The following PLEKHG3 variants were observed in gnomAD, a reference collection of about 807,000 sequenced individuals.
PLEKHG3 encodes pleckstrin homology domain-containing family G member 3.
A neutral mutation model predicts 94.9 loss-of-function variants in PLEKHG3; 62 were observed. That is an observed-to-expected ratio of 0.65 (90% CI 0.53 to 0.81). The LOEUF (loss-of-function observed/expected upper bound fraction) is 0.81. PLEKHG3 is among the 30% of genes least tolerant of loss of function. PLEKHG3 has a pLI of 0.00. For synonymous variants in PLEKHG3, 614 were observed against 654.0 expected, an observed-to-expected ratio of 0.94 and a Z score of 0.93; for missense variants, 1,461 against 1,619.3, an observed-to-expected ratio of 0.90 and a Z score of 1.68.
In PLEKHG3 at chr14:64,727,516, A is replaced by T; in HGVS notation, c.-39-77A>T. ...ATACCTTCCCACCCCACCTGCCCCC[A>T]CCCCTGGCAACCGTCCCTCTGTTCT... is the stretch of plus-strand genomic sequence containing the variant. On this transcript the variant is annotated intron_variant, in intron 1 of 16. Coordinates refer to ENST00000247226, the MANE Select transcript of PLEKHG3 (RefSeq NM_001308147.2). The surrounding 1 kb of genome is among the most constrained non-coding windows in gnomAD (Gnocchi z 6.0). 4.6e-6 allele frequency: 1 copy of T among 217,630 alleles called. No homozygotes were observed. The highest frequency in any genetic ancestry group is 8.8e-6 in the Non-Finnish European group (1 of 113,436). 13.5% of individuals were successfully genotyped at this position (217,630 alleles called of 1,614,324 possible). A position where few individuals can be genotyped will look rare whatever the true frequency, so the allele number is the denominator to read the frequency against.
At chr14:64,724,777 A>G (rs116823804) in intron 1 of PLEKHG3, among the ~76,000 whole-genome samples, 1 of 152,150 alleles carries the variant, frequency 6.6e-6, no homozygotes, top group Non-Finnish European at 1.5e-5. Context: ...TGTGTAGTCC[A>G]TTAGGGAGGC....
chr14:64,724,815 GC>G (rs1409860451), intron 1 of PLEKHG3, among the ~76,000 whole-genome samples: 1 of 152,204 alleles, frequency 6.6e-6, no homozygotes, highest in Non-Finnish European at 1.5e-5. Context: ...GAACTCTGGA[GC>G]CTCAGTGCCT....
chr14:64,742,441 C>G lies in PLEKHG3; in HGVS notation c.2924C>G (p.Pro975Arg), dbSNP rs747511854. The change falls in exon 16 of 17, where the codon CCA becomes CGA. Residue 975 changes from proline to arginine, a missense_variant. By Grantham distance (103) the Pro-to-Arg change is moderately radical. Around this residue, in one of 3 missense-constraint regions of PLEKHG3, gnomAD observed 1,201 missense variants for 1,295.5 expected, o/e 0.93. Transcript: ENST00000247226. ...TGTCTACAGGAAGAGGCTGGAGAGC[C>G]ATTAGGTGGCAAAGGTATGACAGAA... ...VPCLQEEAGE[P>R]LGGKGKRKPV... 3.0e-5 allele frequency: 48 copies of G among 1,606,652 alleles called. No homozygotes were observed. Among genetic ancestry groups the G allele is most frequent in the South Asian group, 1.9e-4 (17 of 90,836 alleles).
chr14:64,737,199 G>A lies in PLEKHG3; in HGVS notation c.1385-157G>A, dbSNP rs2081588308. 7.4e-6 allele frequency: 5 copies of A among 679,572 alleles called. No homozygotes were observed. The South Asian group carries it at 8.5e-5, about 11-fold the overall frequency. 42.1% of individuals were successfully genotyped at this position (679,572 alleles called of 1,614,324 possible). On this transcript the variant is annotated intron_variant, in intron 13 of 16. Coordinates refer to ENST00000247226, the MANE Select transcript of PLEKHG3 (RefSeq NM_001308147.2). ...TGCTCTGTCAGTCATTCTTTTGAAA[G>A]CCCAGGAGACTAGGTGAGGGTTCTG...
At chr14:64,708,915 A>G (rs1304782156) in intron 1 of PLEKHG3, among the ~76,000 whole-genome samples, 3 of 147,314 alleles carry the variant, frequency 2.0e-5, no homozygotes, top group East Asian at 2.1e-4. Context: ...GGAGACGGGT[A>G]AAAGCTAGAT....
intron 12 of PLEKHG3, among the ~76,000 whole-genome samples, chr14:64,733,148 CTTTTCTTTTCTTTTT>C (rs1438712761): frequency 1.3e-5 from 2 of 148,872 alleles, no homozygotes; most frequent in Non-Finnish European, 3.0e-5. Context: ...TTTTTCTTTT[CTTTTCTTTTCTTTTT>C]CTTTTTTTTT....
intron 12 of PLEKHG3, among the ~76,000 whole-genome samples, chr14:64,733,565 C>T (rs894598359): frequency 6.6e-6 from 1 of 152,222 alleles, no homozygotes; most frequent in Admixed American, 6.5e-5. Flanking sequence ...AATACCAACA[C>T]CAAGTCATTC....
chr14:64,740,468 C>T (rs1383665982), intron 15 of PLEKHG3, among the ~76,000 whole-genome samples: 1 of 152,234 alleles, frequency 6.6e-6, no homozygotes, highest in Non-Finnish European at 1.5e-5. Context: ...ATTCCTGGTC[C>T]TCATCCTCTG....
Position 64,732,518 on chromosome 14 carries a change from C to G in PLEKHG3, c.1246+58C>G. The G allele has an allele frequency of 6.8e-7, 1 of 1,480,090 alleles. No individual in the cohort carries two copies. Among genetic ancestry groups the G allele is most frequent in the South Asian group, 1.1e-5 (1 of 88,416 alleles). The allele number at this position is 1,480,090 out of a possible 1,614,324, so 91.7% of individuals were successfully genotyped here. On this transcript the variant is annotated intron_variant, in intron 11 of 16. Coordinates refer to ENST00000247226, the MANE Select transcript of PLEKHG3 (RefSeq NM_001308147.2). The surrounding 1 kb of genome is among the most constrained non-coding windows in gnomAD (Gnocchi z 4.9). ...TAATCGTGCACATTGCTAGGTCAGG[C>G]TGCATCCTGGGGAAGCTTTACCTGA...
chr14:64,727,248 A>C lies in PLEKHG3; in HGVS notation c.-39-345A>C, dbSNP rs1278722919. Among the ~76,000 whole-genome samples the C allele has an allele frequency of 2.0e-5, 3 of 152,176 alleles. No homozygotes were observed. The highest frequency in any genetic ancestry group is 1.5e-5 in the Non-Finnish European group (1 of 68,026). On this transcript the variant is annotated intron_variant, in intron 1 of 16. Transcript: ENST00000247226. This position sits in a 1 kb window ranked among gnomAD's most constrained non-coding sequence, Gnocchi z 6.0. ...AGGGTACCTGGACCACTGTGCTGGCAGGTGGACTTGGGCACCCTCATCAGT... is the reference window on the plus strand; with the variant it reads ...AGGGTACCTGGACCACTGTGCTGGCCGGTGGACTTGGGCACCCTCATCAGT...
rs1008737626 is a variant in PLEKHG3, at chr14:64,722,047, ATT to A, written c.-39-5545_-39-5544del. ...TCCTTCTGGCACCCTTTTTGAAGGGATTCCGAAAGTGCCGTCTTGGGGATTGT... is the reference window on the plus strand; with the variant it reads ...TCCTTCTGGCACCCTTTTTGAAGGGACCGAAAGTGCCGTCTTGGGGATTGT... On this transcript the variant is annotated intron_variant, in intron 1 of 16. Coordinates refer to ENST00000247226, the MANE Select transcript of PLEKHG3 (RefSeq NM_001308147.2). The surrounding 1 kb of genome is among the most constrained non-coding windows in gnomAD (Gnocchi z 4.3). Among the ~76,000 whole-genome samples the A allele has an allele frequency of 2.6e-5, 4 of 152,056 alleles. No homozygotes were observed. The highest frequency in any genetic ancestry group is 4.4e-5 in the Non-Finnish European group (3 of 67,994).
At position 64,727,927 on chromosome 14, in the gene PLEKHG3, G is replaced by A. The variant is rs766778074; in HGVS notation, c.296G>A (p.Arg99Gln). Residue 99 changes from arginine to glutamine, a missense_variant, in exon 2 of 17, where the codon CGG becomes CAG. Transcript: ENST00000247226. This position sits in a 1 kb window ranked among gnomAD's most constrained non-coding sequence, Gnocchi z 6.0. ...HKLSYLGRVV[R>Q]EIVETERMYV... ...CTCAGCTACCTGGGCCGAGTGGTGCGGGAGATCGTGGAGACAGAGCGCATG... is the reference window on the plus strand; with the variant it reads ...CTCAGCTACCTGGGCCGAGTGGTGCAGGAGATCGTGGAGACAGAGCGCATG... 16 of 1,608,740 alleles carry A rather than the reference G, an allele frequency of 9.9e-6. No individual in the cohort carries two copies. In the South Asian group the frequency reaches 1.1e-4, roughly 11 times the overall value.
In PLEKHG3 at chr14:64,749,224, G is replaced by T; in HGVS notation, c.*5521G>T. The T allele has an allele frequency of 6.7e-7, 1 of 1,488,162 alleles. No individual in the cohort carries two copies. The allele number at this position is 1,488,162 out of a possible 1,614,324, so 92.2% of individuals were successfully genotyped here. A position where few individuals can be genotyped will look rare whatever the true frequency, so the allele number is the denominator to read the frequency against. On this transcript the variant is annotated 3_prime_UTR_variant, in exon 17 of 17. Coordinates refer to ENST00000247226, the MANE Select transcript of PLEKHG3 (RefSeq NM_001308147.2). The surrounding 1 kb of genome is among the most constrained non-coding windows in gnomAD (Gnocchi z 4.7). ...CTCGACTCATCTCGATTCGACCGGCGGGCGGCGGCGAGAGGAGGCCAAGGC... is the reference window on the plus strand; with the variant it reads ...CTCGACTCATCTCGATTCGACCGGCTGGCGGCGGCGAGAGGAGGCCAAGGC...
In PLEKHG3 at chr14:64,732,481, C is replaced by G. The variant is rs929607457; in HGVS notation, c.1246+21C>G. ...CTATTGTAAGTGTACCCTTTTCTGC[C>G]TGTTTTGTCCCTAATCGTGCACATT... On this transcript the variant is annotated intron_variant, in intron 11 of 16. Transcript: ENST00000247226. This position sits in a 1 kb window ranked among gnomAD's most constrained non-coding sequence, Gnocchi z 4.9. 2.0e-5 allele frequency: 32 copies of G among 1,607,412 alleles called. 1 individual carries two copies. Among genetic ancestry groups the G allele is most frequent in the Non-Finnish European group, 2.6e-5 (31 of 1,174,052 alleles).
intron 14 of PLEKHG3, among the ~76,000 whole-genome samples, chr14:64,737,670 G>C (rs758619075): frequency 9.2e-5 from 14 of 152,236 alleles, no homozygotes; most frequent in Admixed American, 4.6e-4. Context: ...GCCTGTTTGG[G>C]TTCTGAAGTT....
Position 64,738,755 on chromosome 14 carries a change from G to A in PLEKHG3, c.1418G>A (p.Arg473Lys). The A allele has an allele frequency of 1.9e-6, 3 of 1,588,230 alleles. No homozygotes were observed. Among genetic ancestry groups the A allele is most frequent in the African/African-American group, 1.3e-5 (1 of 74,470 alleles). The change falls in exon 15 of 17, where the codon AGG (arginine) becomes AAG (lysine). Residue 473 changes from arginine to lysine, a missense_variant. Coordinates refer to ENST00000247226, the MANE Select transcript of PLEKHG3 (RefSeq NM_001308147.2). The surrounding 1 kb of genome is among the most constrained non-coding windows in gnomAD (Gnocchi z 4.8). The part of the protein sequence containing the change: ...RAAGMKGKGR[R>K]ESESSRSSRR... The stretch of plus-strand genomic sequence containing the variant: ...CTACCTCTGCAGGGAAAGGGGCGCA[G>A]GGAGTCTGAAAGCTCCAGGAGCAGC...
chr14:64,731,993 C>G lies in PLEKHG3; in HGVS notation c.1126-102C>G, dbSNP rs2081476281. ...CAGGTTAACCTCACAGAGGCCCCAG[C>G]ATGGCCCCACTTTTTCTCCCTGGGT... On this transcript the variant is annotated intron_variant, in intron 9 of 16. Coordinates refer to ENST00000247226, the MANE Select transcript of PLEKHG3 (RefSeq NM_001308147.2). The surrounding 1 kb of genome is among the most constrained non-coding windows in gnomAD (Gnocchi z 6.1). 45 of 943,172 alleles carry G rather than the reference C, an allele frequency of 4.8e-5. 2 individuals are homozygous for G. The South Asian group carries it at 6.1e-4, about 13-fold the overall frequency. 58.4% of individuals were successfully genotyped at this position (943,172 alleles called of 1,614,324 possible). A position where few individuals can be genotyped will look rare whatever the true frequency, so the allele number is the denominator to read the frequency against.
In PLEKHG3 at chr14:64,704,432, GCTCCC is replaced by G. The variant is rs2080940841; in HGVS notation, c.-311_-307del. On this transcript the variant is annotated 5_prime_UTR_variant, in exon 1 of 17. Coordinates refer to ENST00000247226, the MANE Select transcript of PLEKHG3 (RefSeq NM_001308147.2). This position sits in a 1 kb window ranked among gnomAD's most constrained non-coding sequence, Gnocchi z 5.6. ...CGCTCCCTCGCTCCCTCGCTCCCTC[GCTCCC>G]TCGCTCCCTCCTGCCCTCCCGCTGC... 1 of 142,722 alleles carries G rather than the reference GCTCCC, an allele frequency of 7.0e-6. No homozygotes were observed. The highest frequency in any genetic ancestry group is 1.5e-5 in the Non-Finnish European group (1 of 65,822). The allele number at this position is 142,722 out of a possible 1,614,324, so 8.8% of individuals were successfully genotyped here. A position where few individuals can be genotyped will look rare whatever the true frequency, so the allele number is the denominator to read the frequency against.
intron 1 of PLEKHG3, among the ~76,000 whole-genome samples, chr14:64,713,926 C>A (rs1008166860): frequency 6.6e-6 from 1 of 152,016 alleles, no homozygotes; most frequent in African/African-American, 2.4e-5. Flanking sequence ...TTTTATATTT[C>A]AATATTGAAT....
Sources: allele counts gnomAD v4.1 joint callset (sites outside exome capture counted in the v4.1 genomes callset), GRCh38; gene constraint gnomAD v4.1.1; regional missense constraint gnomAD v4.1.1; non-coding constraint Gnocchi (gnomAD v3.1); transcripts MANE v1.5; gene names NCBI Gene and HGNC (gene_info 2026-07-23, HGNC 2026-07-21).